The following CLCN3 variants were observed in gnomAD, a reference collection of about 807,000 sequenced individuals.
The protein encoded by CLCN3 is H(+)/Cl(-) exchange transporter 3.
A neutral mutation model predicts 83.4 loss-of-function variants in CLCN3; 16 were observed. The ratio of observed to expected loss-of-function variants is 0.19; its 90% CI spans 0.13 to 0.29. The LOEUF (loss-of-function observed/expected upper bound fraction) is 0.29, where lower values mean the gene tolerates loss of function less well. Among genes scored for constraint, CLCN3 ranks in the 10% least tolerant of loss-of-function variants. CLCN3 has a pLI of 1.00. For missense variants in CLCN3, 544 were observed against 1,006.0 expected (o/e 0.54, Z 6.21); for synonymous variants, 322 against 346.2 (o/e 0.93, Z 0.78).
intron 2 of CLCN3, among the ~76,000 whole-genome samples, chr4:169,650,966 A>T (rs1730715380): frequency 6.6e-6 from 1 of 152,180 alleles, no homozygotes; most frequent in Non-Finnish European, 1.5e-5. Context: ...TCAGGATGTT[A>T]CTAATGAACT....
intron 11 of CLCN3, among the ~76,000 whole-genome samples, chr4:169,712,288 G>A (rs570855426): frequency 3.5e-4 from 53 of 151,900 alleles, no homozygotes; most frequent in South Asian, 1.2e-3. Context: ...TTCCTTCTCC[G>A]TCTTGTGTGA....
chr4:169,719,523 T>C (rs1444661141), intron 12 of CLCN3, among the ~76,000 whole-genome samples: 2 of 152,194 alleles, frequency 1.3e-5, no homozygotes, highest in Non-Finnish European at 2.9e-5. Context: ...TGGTCATCAT[T>C]TTACTGCTCT....
At chr4:169,661,276 C>G (rs1483602490) in intron 2 of CLCN3, among the ~76,000 whole-genome samples, 3 of 152,218 alleles carry the variant, frequency 2.0e-5, no homozygotes, top group East Asian at 1.9e-4. Flanking sequence ...AGAAAAATCT[C>G]TTAGCTTATG....
At chr4:169,641,253 A>G (rs1018439590) in intron 2 of CLCN3, among the ~76,000 whole-genome samples, 1 of 152,186 alleles carries the variant, frequency 6.6e-6, no homozygotes, top group Non-Finnish European at 1.5e-5. Context: ...GCAACAGTGA[A>G]ACCCAGTCTC....
At position 169,623,008 on chromosome 4, in the gene CLCN3, G is replaced by T. The variant is rs1050654648; in HGVS notation, c.-17+1945G>T. Among the ~76,000 whole-genome samples, 5 of 152,104 alleles carry T rather than the reference G, an allele frequency of 3.3e-5. No homozygotes were observed. The East Asian group carries it at 7.7e-4, about 23-fold the overall frequency. ...AACATTGTAGCTGTGATTCATTTTG[G>T]TTCTTAAAGATAAATCTTCAGTGAA... On this transcript the variant is annotated intron_variant, in intron 1 of 12. Transcript: ENST00000513761.
At position 169,723,323 on chromosome 4, in the gene CLCN3, T is replaced by C. The variant is rs987715553; in HGVS notation, c.*3326T>C. The stretch of plus-strand genomic sequence containing the variant: ...AATGCTTCTCTCAGGTTACAAAGCA[T>C]TTCTACACTTTGCAAGCAAGGAGCA... On this transcript the variant is annotated 3_prime_UTR_variant, in exon 13 of 13. Coordinates refer to ENST00000513761, the MANE Select transcript of CLCN3 (RefSeq NM_001829.4). 6.6e-6 allele frequency: 1 copy of C among 152,162 alleles called. No homozygotes were observed. The highest frequency in any genetic ancestry group is 1.5e-5 in the Non-Finnish European group (1 of 68,034). 9.4% of individuals were successfully genotyped at this position (152,162 alleles called of 1,614,324 possible). A position where few individuals can be genotyped will look rare whatever the true frequency, so the allele number is the denominator to read the frequency against.
chr4:169,682,790 C>G (rs938180362), intron 3 of CLCN3, among the ~76,000 whole-genome samples: 67 of 152,306 alleles, frequency 4.4e-4, no homozygotes, highest in African/African-American at 1.6e-3. Flanking sequence ...AATGTAATGA[C>G]TGCCAGTACA....
intron 2 of CLCN3, among the ~76,000 whole-genome samples, chr4:169,654,721 A>G (rs1730831541): frequency 6.6e-6 from 1 of 152,172 alleles, no homozygotes; most frequent in African/African-American, 2.4e-5. Flanking sequence ...AATATGCATT[A>G]TGTAATTACA....
At chr4:169,713,038 C>A in intron 11 of CLCN3, 41 bp from the exon 12 acceptor site, 1 of 1,467,312 alleles carries the variant, frequency 6.8e-7, no homozygotes, top group Non-Finnish European at 9.5e-7. Context: ...ACTTAAAAAT[C>A]TATCAGTTTA....
Position 169,630,626 on chromosome 4 carries a change from G to A in CLCN3, c.-16-5287G>A, listed in dbSNP as rs748730432. ...GCTCACTGCAAACTCTGCCTTCTAG[G>A]TTCAAGCAATTCTCCTGCCTCAGCC... On this transcript the variant is annotated intron_variant, in intron 1 of 12. Transcript: ENST00000513761. Among the ~76,000 whole-genome samples, 8 of 152,174 alleles carry A rather than the reference G, an allele frequency of 5.3e-5. No individual in the cohort carries two copies. The South Asian group carries it at 6.2e-4, about 12-fold the overall frequency.
chr4:169,627,445 C>G (rs1248788792), intron 1 of CLCN3, among the ~76,000 whole-genome samples: 2 of 152,108 alleles, frequency 1.3e-5, no homozygotes, highest in African/African-American at 2.4e-5. Context: ...TGATGTGTAT[C>G]ATACCATATT....
chr4:169,707,136 C>A lies in CLCN3; in HGVS notation c.2019C>A (p.Asp673Glu). 6.2e-7 allele frequency: 1 copy of A among 1,614,034 alleles called. No individual in the cohort carries two copies. The highest frequency in any genetic ancestry group is 8.5e-7 in the Non-Finnish European group (1 of 1,179,966). Residue 673 changes from aspartate (D) to glutamate (E), a missense_variant, in exon 11 of 13, where the codon GAC becomes GAA. Asp to Glu is a conservative substitution (Grantham distance 45). Coordinates refer to ENST00000513761, the MANE Select transcript of CLCN3 (RefSeq NM_001829.4). Reference sequence around the variant, plus strand: ...CTCCCTTAGCTGTCCTGACACAGGACAATATGACAGTGGATGATATAGAAA... The same window carrying A: ...CTCCCTTAGCTGTCCTGACACAGGAAAATATGACAGTGGATGATATAGAAA... Reference protein sequence around the residue: ...NDPPLAVLTQDNMTVDDIENM... With the variant: ...NDPPLAVLTQENMTVDDIENM...
intron 9 of CLCN3, among the ~76,000 whole-genome samples, chr4:169,699,166 A>G (rs768063448): frequency 6.6e-6 from 1 of 152,176 alleles, no homozygotes; most frequent in Non-Finnish European, 1.5e-5. Flanking sequence ...TCTGCCTCAT[A>G]CCAGTATAGG....
At chr4:169,653,452 C>A (rs1403064858) in intron 2 of CLCN3, among the ~76,000 whole-genome samples, 1 of 151,738 alleles carries the variant, frequency 6.6e-6, no homozygotes, top group African/African-American at 2.4e-5. Context: ...CCAGCCTGGC[C>A]AATATGATAA....
At chr4:169,632,590 G>A (rs1388502679) in intron 1 of CLCN3, among the ~76,000 whole-genome samples, 1 of 151,806 alleles carries the variant, frequency 6.6e-6, no homozygotes, top group Non-Finnish European at 1.5e-5. Flanking sequence ...AGTGGCGGGC[G>A]CCTGTAGTCC....
intron 2 of CLCN3, among the ~76,000 whole-genome samples, chr4:169,656,131 T>C (rs1383771718): frequency 6.6e-6 from 1 of 152,154 alleles, no homozygotes; most frequent in African/African-American, 2.4e-5. Flanking sequence ...TAAGGTTTAG[T>C]GCCATATAGT....
intron 3 of CLCN3, 97 bp from the exon 4 acceptor site, chr4:169,687,561 T>G (rs891869704): frequency 7.3e-6 from 5 of 681,908 alleles, no homozygotes; most frequent in Non-Finnish European, 7.3e-6. Context: ...CTGAAATTAC[T>G]GTTCTATGTA....
At chr4:169,685,311 C>T (rs1343806785) in intron 3 of CLCN3, among the ~76,000 whole-genome samples, 7 of 152,040 alleles carry the variant, frequency 4.6e-5, no homozygotes, top group African/African-American at 1.2e-4. Context: ...TTCCACGGTT[C>T]CAAAGTTAAA....
intron 1 of CLCN3, among the ~76,000 whole-genome samples, chr4:169,632,408 C>T (rs34838831): frequency 0.17 from 25,769 of 152,076 alleles, 2,835 homozygotes; most frequent in South Asian, 0.31. Context: ...CAGTGAGACA[C>T]CATCTCACGC....
Sources: gnomAD v4.1 joint callset for allele counts (sites outside exome capture counted in the v4.1 genomes callset) on GRCh38, gnomAD v4.1.1 for gene constraint, MANE v1.5 for transcripts, NCBI Gene and HGNC (gene_info 2026-07-23, HGNC 2026-07-21) for gene names.